PDE4DIP: variants seen among roughly 807,000 people sequenced by gnomAD.
The protein encoded by PDE4DIP is myomegalin.
In PDE4DIP, 59 loss-of-function variants were observed where a neutral mutation model predicts 221.4. The observed-to-expected ratio is 0.27, with a 90% CI of 0.22 to 0.33. PDE4DIP has a LOEUF of 0.33. PDE4DIP is among the 10% of genes least tolerant of loss of function. PDE4DIP has a pLI of 1.00. For synonymous variants in PDE4DIP, 404 were observed against 815.9 expected (o/e 0.50, Z 8.60); for missense variants, 1,036 against 2,154.2 (o/e 0.48, Z 10.28).
rs1668855182 is a variant in PDE4DIP at position 148,820,591 on chromosome 1, A to T, written c.233+11854A>T. On this transcript the variant is annotated intron_variant, in intron 1 of 45. Coordinates refer to the PDE4DIP transcript ENST00000524974. ...AAAAAAAAAAAAAAAGAAAGAAAGT[A>T]GTTGTCTTCTAGATGACAAAATGTC... is the stretch of plus-strand genomic sequence containing the variant. 2.2e-5 allele frequency among the ~76,000 whole-genome samples: 3 copies of T among 135,376 alleles called. No homozygotes were observed. In the South Asian group the frequency reaches 7.8e-4, roughly 35 times the overall value. 88.8% of individuals were successfully genotyped at this position (135,376 alleles called of 152,430 possible).
chr1:148,973,486 G>A (rs2059598989), intron 16 of PDE4DIP, among the ~76,000 whole-genome samples: 2 of 152,102 alleles, frequency 1.3e-5, no homozygotes, highest in Non-Finnish European at 2.9e-5. Context: ...AAGTATGTAT[G>A]TGTGTATTTG....
chr1:148,987,063 C>A (rs1479073056), intron 21 of PDE4DIP, among the ~76,000 whole-genome samples: 1 of 152,084 alleles, frequency 6.6e-6, no homozygotes, highest in Non-Finnish European at 1.5e-5. Context: ...GGATTTCATA[C>A]CCCCAAAAGT....
upstream of PDE4DIP, among the ~76,000 whole-genome samples, chr1:148,888,245 T>C (rs668955): frequency 5.8e-3 from 882 of 150,986 alleles, no homozygotes; most frequent in African/African-American, 0.021. Context: ...AGTGTATGCA[T>C]ATGTACTAGA....
intron 21 of PDE4DIP, chr1:148,991,615 G>A (rs1553558521): frequency 1.5e-5 from 14 of 946,520 alleles, no homozygotes; most frequent in Admixed American, 6.2e-5. Context: ...GGTAACCAGT[G>A]CATCCGACAG....
chr1:148,981,452 C>G, intron 21 of PDE4DIP, 55 bp downstream of exon 24: 1 of 1,609,214 alleles, frequency 6.2e-7, no homozygotes, highest in South Asian at 1.1e-5. Flanking sequence ...TGAGCACTGG[C>G]GGGTCAGACT....
exon 34 of PDE4DIP, chr1:149,017,876 A>T: frequency 6.2e-7 from 1 of 1,612,778 alleles, no homozygotes; most frequent in Non-Finnish European, 8.5e-7. Flanking sequence ...TGCTCGTGGA[A>T]GGGGTAGGAG....
At position 148,968,874 on chromosome 1, in the gene PDE4DIP, G is replaced by A. The variant is rs781859838; in HGVS notation, c.1824G>A (p.Gly608=). The A allele has an allele frequency of 8.7e-6, 14 of 1,613,356 alleles. No homozygotes were observed. In the Middle Eastern group the frequency reaches 1.0e-3, roughly 121 times the overall value. Residue 608 remains glycine (G), a synonymous_variant, in exon 14 of 44, where the codon GGG becomes GGA. Transcript: ENST00000369354. The stretch of plus-strand genomic sequence containing the variant: ...CACTGCTCTGCAAACTTGGACCAGG[G>A]CAGAGTGAGATAGCAGAGGAGCTGT...
At chr1:149,013,781 C>CTATTT (rs1418122665) in intron 32 of PDE4DIP, among the ~76,000 whole-genome samples, 2 of 31,942 alleles carry the variant, frequency 6.3e-5, no homozygotes, top group African/African-American at 3.1e-4. Flanking sequence ...CCTTCTTCCT[C>CTATTT]TTTTTTTTTT....
chr1:148,988,324 C>T (rs1279157293), intron 21 of PDE4DIP, among the ~76,000 whole-genome samples: 1 of 135,380 alleles, frequency 7.4e-6, no homozygotes, highest in African/African-American at 2.8e-5. Flanking sequence ...TTATTGAGTA[C>T]ACACTGTGTA....
intron 9 of PDE4DIP, among the ~76,000 whole-genome samples, chr1:148,963,962 G>A (rs1271985398): frequency 7.3e-5 from 11 of 151,188 alleles, no homozygotes; most frequent in African/African-American, 2.7e-4. Flanking sequence ...GTTTCATCGT[G>A]TTAGCCAGGA....
chr1:149,032,056 C>T (rs1553638899), exon 44 of PDE4DIP: 1 of 1,610,468 alleles, frequency 6.2e-7, no homozygotes, highest in South Asian at 1.1e-5. Context: ...AAAGGTGGGC[C>T]TGTCCCCCTT....
chr1:148,987,532 C>T (rs2062130378), intron 21 of PDE4DIP, among the ~76,000 whole-genome samples: 1 of 151,972 alleles, frequency 6.6e-6, no homozygotes, highest in Non-Finnish European at 1.5e-5. Context: ...ACACAAGGGC[C>T]CGGTACCGAA....
At chr1:148,933,601 A>G (rs1474140220) in intron 4 of PDE4DIP, among the ~76,000 whole-genome samples, 6 of 152,320 alleles carry the variant, frequency 3.9e-5, no homozygotes, top group Admixed American at 2.0e-4. Flanking sequence ...TCTTAGGTGC[A>G]TAAGACTGTG....
intron 1 of PDE4DIP, among the ~76,000 whole-genome samples, chr1:148,823,605 A>G (rs1553362965): frequency 6.7e-6 from 1 of 150,168 alleles, no homozygotes; most frequent in Admixed American, 6.6e-5. Context: ...CAGTGACCCT[A>G]GTGTACAAAC....
At chr1:148,953,517 A>C in intron 5 of PDE4DIP, 1 of 1,614,080 alleles carries the variant, frequency 6.2e-7, no homozygotes, top group South Asian at 1.1e-5. Context: ...GAATCTTTGG[A>C]TGCAAGCGTC....
At chr1:148,902,794 T>C (rs1209589171) in intron 1 of PDE4DIP, among the ~76,000 whole-genome samples, 1 of 109,920 alleles carries the variant, frequency 9.1e-6, no homozygotes, top group Non-Finnish European at 1.7e-5. Context: ...AGTTTCTTTA[T>C]CCACTCATTG....
chr1:148,919,484 T>G (rs1553460717), intron 1 of PDE4DIP, among the ~76,000 whole-genome samples: 4 of 151,572 alleles, frequency 2.6e-5, no homozygotes, highest in African/African-American at 9.8e-5. Flanking sequence ...TTTCTGGGGA[T>G]CCTGCAATGA....
At position 148,967,907 on chromosome 1, in the gene PDE4DIP, C is replaced by T. The variant is rs1336870433; in HGVS notation, c.1785+2C>T. The T allele has an allele frequency of 6.5e-6, 5 of 770,168 alleles. No homozygotes were observed. The highest frequency in any genetic ancestry group is 1.1e-5 in the Non-Finnish European group (5 of 446,124). 47.7% of individuals were successfully genotyped at this position (770,168 alleles called of 1,614,324 possible). A position where few individuals can be genotyped will look rare whatever the true frequency, so the allele number is the denominator to read the frequency against. On this transcript the variant is annotated splice_donor_variant, in intron 13 of 43. Coordinates refer to ENST00000369354, the Ensembl canonical transcript of PDE4DIP. LOFTEE classifies it low-confidence loss of function (GC_TO_GT_DONOR). Reference sequence around the variant, plus strand: ...CATGATAGGAACAAAGAAGTGGAGGCAAGACTTCAGTTAACTTTAAGGCAG... The same window carrying T: ...CATGATAGGAACAAAGAAGTGGAGGTAAGACTTCAGTTAACTTTAAGGCAG...
exon 44 of PDE4DIP, chr1:149,031,984 G>A: frequency 1.9e-6 from 3 of 1,610,328 alleles, no homozygotes; most frequent in Non-Finnish European, 2.5e-6. Context: ...CCAGCCTTGT[G>A]ACCCTTGCCT....
Sources: allele counts gnomAD v4.1 joint callset (sites outside exome capture counted in the v4.1 genomes callset), GRCh38; gene constraint gnomAD v4.1.1; transcripts MANE v1.5; gene names NCBI Gene and HGNC (gene_info 2026-07-23, HGNC 2026-07-21).